BTK: variants seen among roughly 807,000 people sequenced by gnomAD.
The protein encoded by BTK is Bruton tyrosine kinase, also known as tyrosine-protein kinase BTK.
BTK carries 5 observed loss-of-function variants against 57.4 expected under a neutral mutation model. The observed-to-expected ratio is 0.09, with a 90% confidence interval of 0.05 to 0.18. The LOEUF is 0.18. BTK is among the 10% of genes least tolerant of loss of function. The probability of loss-of-function intolerance (pLI) is 1.00; values close to 1 mark genes in which losing one functional copy is unlikely to be tolerated. For synonymous variants in BTK, 154 were observed against 174.3 expected (o/e 0.88, Z 0.92); for missense variants, 194 against 501.2 (o/e 0.39, Z 5.85).
chrX:101,361,618 T>C (rs1304222533), intron 7 of BTK, among the ~76,000 whole-genome samples: 1 of 111,827 alleles, frequency 8.9e-6, no homozygotes, highest in East Asian at 2.8e-4. Flanking sequence ...TACTGTATGT[T>C]TGAAAATACT....
chrX:101,377,499 C>A (rs782212136), intron 1 of BTK, among the ~76,000 whole-genome samples: 2 of 111,121 alleles, frequency 1.8e-5, no homozygotes, highest in Non-Finnish European at 3.8e-5. Flanking sequence ...TTCTCTTAGC[C>A]GAATAAATCG....
At chrX:101,357,052 T>TA (rs1926508534) in intron 13 of BTK, 97 bp from the exon 14 acceptor site, 5 of 945,209 alleles carry the variant, frequency 5.3e-6, no homozygotes, top group Non-Finnish European at 7.6e-6. Context: ...GGAAAACTAG[T>TA]AAAAGGGAAA....
At chrX:101,379,422 G>A (rs1555981480) in intron 1 of BTK, among the ~76,000 whole-genome samples, 1 of 111,702 alleles carries the variant, frequency 9.0e-6, no homozygotes, top group Non-Finnish European at 1.9e-5. Flanking sequence ...GGATGGAATG[G>A]AACTTCTGTT....
At chrX:101,370,471 T>C (rs968084282) in intron 4 of BTK, among the ~76,000 whole-genome samples, 2 of 111,986 alleles carry the variant, frequency 1.8e-5, no homozygotes, top group Non-Finnish European at 3.8e-5. Context: ...ATAATCTATA[T>C]AAATTAAGTC....
intron 10 of BTK, among the ~76,000 whole-genome samples, 168 bp from the exon 11 acceptor site, chrX:101,358,864 A>C (rs1173210657): frequency 8.9e-6 from 1 of 111,894 alleles, no homozygotes; most frequent in Non-Finnish European, 1.9e-5. Flanking sequence ...CAGGCCGGGC[A>C]TGGTGGCTCA....
chrX:101,376,622 C>T (rs999625109), intron 1 of BTK, among the ~76,000 whole-genome samples: 3 of 110,075 alleles, frequency 2.7e-5, no homozygotes, highest in Admixed American at 9.8e-5. Flanking sequence ...AGCGAAACTC[C>T]GTCTCAAAAA....
upstream of BTK, among the ~76,000 whole-genome samples, chrX:101,388,249 T>C (rs1257049040): frequency 9.0e-6 from 1 of 110,879 alleles, no homozygotes; most frequent in Non-Finnish European, 1.9e-5. Context: ...TGGGAGGTGA[T>C]AGGCATCCAA....
intron 18 of BTK, among the ~76,000 whole-genome samples, chrX:101,351,827 C>T (rs1487326336): frequency 9.0e-6 from 1 of 111,362 alleles, no homozygotes; most frequent in African/African-American, 3.3e-5. Context: ...AACAAAAAAC[C>T]CACTACCTGT....
chrX:101,374,804 G>A (rs1456394010), intron 2 of BTK, among the ~76,000 whole-genome samples, 170 bp from the exon 3 acceptor site: 1 of 111,576 alleles, frequency 9.0e-6, no homozygotes, highest in Admixed American at 9.5e-5. Context: ...ACTACCAAAT[G>A]GAGGGCAAAT....
chrX:101,378,731 A>G (rs1045199052), intron 1 of BTK, among the ~76,000 whole-genome samples: 7 of 111,912 alleles, frequency 6.3e-5, no homozygotes, highest in African/African-American at 2.3e-4. Context: ...CTATGGAGCA[A>G]CAGAATTCAG....
chrX:101,354,797 C>T, intron 15 of BTK, 103 bp from the exon 16 acceptor site: 1 of 777,574 alleles, frequency 1.3e-6, no homozygotes, highest in Non-Finnish European at 2.0e-6. Context: ...AGCTTCATCT[C>T]CTTCGACTAC....
chrX:101,385,104 GA>G (rs1927570245), intron 1 of BTK, among the ~76,000 whole-genome samples: 1 of 111,736 alleles, frequency 8.9e-6, no homozygotes, highest in African/African-American at 3.3e-5. Context: ...GGAGGAAATG[GA>G]AAGGGAAAGG....
intron 5 of BTK, among the ~76,000 whole-genome samples, chrX:101,365,863 C>A (rs1295594017): frequency 8.9e-6 from 1 of 112,049 alleles, no homozygotes; most frequent in Non-Finnish European, 1.9e-5. Context: ...TAGAAGGGCC[C>A]ACTGCCATAT....
At chrX:101,387,435 TCCA>T (rs1181061243), upstream of BTK, among the ~76,000 whole-genome samples, 1 of 95,432 alleles carries the variant, frequency 1.0e-5, no homozygotes, top group Admixed American at 1.2e-4. Context: ...CACTGCAGCC[TCCA>T]CCTCCTGGGC....
rs781783090 is a variant in BTK, at chrX:101,355,275, T to TCAAAA, written c.1567-586_1567-582dup. On this transcript the variant is annotated intron_variant, in intron 15 of 18. Transcript: ENST00000308731. ...CTGGGCAACAGAGCGAGACTCCATC[T>TCAAAA]CAAAACAAAACAAAACAAAACAAAA... 2.8e-3 allele frequency among the ~76,000 whole-genome samples: 317 copies of TCAAAA among 111,981 alleles called. 4 individuals carry two copies. Among genetic ancestry groups the TCAAAA allele is most frequent in the African/African-American group, 8.0e-3 (247 of 30,845 alleles).
At chrX:101,352,939 G>T in intron 18 of BTK, 1 of 315,339 alleles carries the variant, frequency 3.2e-6, no homozygotes, top group Non-Finnish European at 5.5e-6. Flanking sequence ...GGTGGTGCAC[G>T]CCTATAATCC....
intron 18 of BTK, among the ~76,000 whole-genome samples, chrX:101,350,789 C>T (rs781859246): frequency 9.9e-5 from 11 of 111,015 alleles, no homozygotes; most frequent in Non-Finnish European, 2.1e-4. Flanking sequence ...CATAAGCCCC[C>T]GAGGTATTTG....
upstream of BTK, among the ~76,000 whole-genome samples, chrX:101,389,062 C>T (rs782601619): frequency 4.5e-5 from 5 of 111,394 alleles, no homozygotes; most frequent in South Asian, 1.9e-3. Flanking sequence ...AATATAGTGA[C>T]CATAGTTAAT....
intron 1 of BTK, among the ~76,000 whole-genome samples, chrX:101,377,039 T>C (rs952731735): frequency 9.0e-6 from 1 of 111,261 alleles, no homozygotes; most frequent in Non-Finnish European, 1.9e-5. Flanking sequence ...TATGCCACTA[T>C]CTTCTGGAGG....
Sources: allele counts gnomAD v4.1 joint callset (sites outside exome capture counted in the v4.1 genomes callset), GRCh38; gene constraint gnomAD v4.1.1; transcripts MANE v1.5; gene names NCBI Gene and HGNC (gene_info 2026-07-23, HGNC 2026-07-21).